Variants in ELAVL2 observed in about 807,000 individuals in gnomAD.
ELAVL2 encodes ELAV like RNA binding protein 2.
Under a neutral mutation model 34.6 loss-of-function variants are expected in ELAVL2, and 4 were observed. The ratio of observed to expected loss-of-function variants is 0.12; its 90% CI spans 0.06 to 0.26. The LOEUF (loss-of-function observed/expected upper bound fraction) is 0.26. Ranked by LOEUF, ELAVL2 falls within the 10% of genes least tolerant of loss-of-function variation. The pLI is 1.00. For synonymous variants in ELAVL2, 193 were observed against 154.8 expected, an observed-to-expected ratio of 1.25 and a Z score of -1.83; for missense variants, 432 against 442.8, an observed-to-expected ratio of 0.98 and a Z score of 0.22.
chr9:23,708,375 G>T (rs1452736862), intron 3 of ELAVL2, among the ~76,000 whole-genome samples: 1 of 152,140 alleles, frequency 6.6e-6, no homozygotes, highest in East Asian at 1.9e-4. Flanking sequence ...TATAGCTGGG[G>T]AAACAGGCAC....
the ELAVL2 span, among the ~76,000 whole-genome samples, chr9:23,850,119 G>A: frequency 2.6e-5 from 4 of 151,288 alleles, no homozygotes; most frequent in Non-Finnish European, 5.9e-5. Context: ...GGGGGTGGGG[G>A]TGGAAAAAGC....
At chr9:23,718,467 T>C (rs2042859512) in intron 3 of ELAVL2, among the ~76,000 whole-genome samples, 1 of 152,094 alleles carries the variant, frequency 6.6e-6, no homozygotes, top group Non-Finnish European at 1.5e-5. Context: ...CCTCAATCAG[T>C]AGAAACTGTA....
At chr9:23,737,607 G>T (rs1290720935) in intron 2 of ELAVL2, among the ~76,000 whole-genome samples, 1 of 152,170 alleles carries the variant, frequency 6.6e-6, no homozygotes, top group Non-Finnish European at 1.5e-5. Context: ...GACTATTCAT[G>T]TACAAGTCAA....
At chr9:23,739,146 T>C (rs2048559306) in intron 2 of ELAVL2, among the ~76,000 whole-genome samples, 1 of 152,190 alleles carries the variant, frequency 6.6e-6, no homozygotes, top group South Asian at 2.1e-4. Context: ...AAAAATTATG[T>C]GCAGTAGGAA....
chr9:23,713,047 A>C (rs2041396487), intron 3 of ELAVL2, among the ~76,000 whole-genome samples: 1 of 152,184 alleles, frequency 6.6e-6, no homozygotes, highest in African/African-American at 2.4e-5. Context: ...CTACCCAAAC[A>C]GTTGCATCCA....
At chr9:23,812,030 C>T (rs999287554) in intron 1 of ELAVL2, among the ~76,000 whole-genome samples, 32 of 152,204 alleles carry the variant, frequency 2.1e-4, no homozygotes, top group South Asian at 4.1e-4. Flanking sequence ...CTGGCCTGAT[C>T]CCTTGATTCC....
chr9:23,799,474 AC>A (rs923563978), intron 1 of ELAVL2, among the ~76,000 whole-genome samples: 5 of 152,140 alleles, frequency 3.3e-5, no homozygotes, highest in African/African-American at 1.2e-4. Flanking sequence ...CTCTTACTCC[AC>A]CCCACCACGT....
chr9:23,812,750 C>CAA (rs569118079), intron 1 of ELAVL2, among the ~76,000 whole-genome samples: 5,045 of 134,996 alleles, frequency 0.037, 138 homozygotes, highest in East Asian at 0.11. Flanking sequence ...CTCCAAATAT[C>CAA]AAAAAAAAAA....
chr9:23,847,518 A>G, the ELAVL2 span: 42 of 152,254 alleles, frequency 2.8e-4, no homozygotes, highest in African/African-American at 9.9e-4. Context: ...TATTTGTAAA[A>G]CTTATTCTAA....
At chr9:23,749,803 G>A (rs1223785840) in intron 2 of ELAVL2, among the ~76,000 whole-genome samples, 1 of 152,054 alleles carries the variant, frequency 6.6e-6, no homozygotes, top group Non-Finnish European at 1.5e-5. Flanking sequence ...GGTCCTGCTT[G>A]CTAGATAGAG....
the ELAVL2 span, among the ~76,000 whole-genome samples, chr9:23,842,334 C>T: frequency 1.3e-5 from 2 of 152,060 alleles, no homozygotes; most frequent in African/African-American, 2.4e-5. Flanking sequence ...GAAACATGTT[C>T]CAGTGCAACT....
chr9:23,766,181 C>G (rs2056218661), intron 1 of ELAVL2, among the ~76,000 whole-genome samples: 1 of 152,144 alleles, frequency 6.6e-6, no homozygotes, highest in Admixed American at 6.5e-5. Context: ...ATGGATTCCA[C>G]TTTCTGGCAT....
At chr9:23,767,527 T>C (rs2056529950) in intron 1 of ELAVL2, among the ~76,000 whole-genome samples, 1 of 152,168 alleles carries the variant, frequency 6.6e-6, no homozygotes, top group African/African-American at 2.4e-5. Context: ...ACGTCTGTAA[T>C]CCCAGCACTT....
chr9:23,831,812 A>C, the ELAVL2 span, among the ~76,000 whole-genome samples: 4 of 152,104 alleles, frequency 2.6e-5, no homozygotes, highest in Non-Finnish European at 5.9e-5. Flanking sequence ...TAAAAAAAAA[A>C]AATGTAGTGG....
chr9:23,768,449 T>A (rs1433306989), intron 1 of ELAVL2, among the ~76,000 whole-genome samples: 2 of 152,070 alleles, frequency 1.3e-5, no homozygotes, highest in Non-Finnish European at 2.9e-5. Flanking sequence ...GTAACTTTTT[T>A]TTTTTTTTTT....
At chr9:23,827,202 G>A (rs1298909053), upstream of ELAVL2, among the ~76,000 whole-genome samples, 3 of 152,184 alleles carry the variant, frequency 2.0e-5, no homozygotes, top group African/African-American at 7.2e-5. Flanking sequence ...ATGTATTGCT[G>A]ACAGCAAAGA....
At chr9:23,793,267 T>C (rs902974748) in intron 1 of ELAVL2, among the ~76,000 whole-genome samples, 1 of 152,188 alleles carries the variant, frequency 6.6e-6, no homozygotes, top group Non-Finnish European at 1.5e-5. Context: ...AAATAGGCTT[T>C]TACCTCCACC....
intron 1 of ELAVL2, among the ~76,000 whole-genome samples, chr9:23,795,837 C>T (rs1177869697): frequency 6.6e-6 from 1 of 152,190 alleles, no homozygotes; most frequent in East Asian, 1.9e-4. Flanking sequence ...TGCTATTTAG[C>T]ATTTCCAGGA....
chr9:23,805,459 T>C (rs1020300090), intron 1 of ELAVL2, among the ~76,000 whole-genome samples: 2 of 152,148 alleles, frequency 1.3e-5, no homozygotes, highest in African/African-American at 2.4e-5. Flanking sequence ...CAATGAAGGG[T>C]TGCCCATTTA....
Sources: gnomAD v4.1 joint callset for allele counts (sites outside exome capture counted in the v4.1 genomes callset) on GRCh38, gnomAD v4.1.1 for gene constraint, MANE v1.5 for transcripts, NCBI Gene and HGNC (gene_info 2026-07-23, HGNC 2026-07-21) for gene names.